Variants in RAD51B observed in about 807,000 individuals in gnomAD.
The protein encoded by RAD51B is DNA repair protein RAD51 homolog 2.
Under a neutral mutation model 42.2 loss-of-function variants are expected in RAD51B, and 38 were observed. The ratio of observed to expected loss-of-function variants is 0.90; its 90% CI spans 0.70 to 1.18. The LOEUF is 1.18. Ranked by LOEUF, RAD51B falls within the 50% of genes most tolerant of loss-of-function variation. The pLI is 0.00. For missense variants in RAD51B, 373 were observed against 400.7 expected (o/e 0.93, Z 0.59); for synonymous variants, 154 against 145.2 (o/e 1.06, Z -0.43).
chr14:68,507,116 C>T lies in RAD51B; in HGVS notation c.1036+38866C>T, dbSNP rs565902622. Among the ~76,000 whole-genome samples the T allele has an allele frequency of 3.3e-5, 5 of 152,174 alleles. No individual in the cohort carries two copies. In the East Asian group the frequency reaches 7.7e-4, roughly 24 times the overall value. ...GTGTGGGCATCACCGCACAGGTGCT[C>T]TTGAAGTACACATGAAATCAATTTT... On this transcript the variant is annotated intron_variant, in intron 10 of 10. Coordinates refer to the RAD51B transcript ENST00000487270.
At chr14:68,308,971 C>T (rs1275995447) in intron 8 of RAD51B, among the ~76,000 whole-genome samples, 1 of 152,156 alleles carries the variant, frequency 6.6e-6, no homozygotes, top group Non-Finnish European at 1.5e-5. Flanking sequence ...TCTTACAAAA[C>T]AGAGGGAAAA....
intron 7 of RAD51B, among the ~76,000 whole-genome samples, chr14:68,260,701 G>A (rs2080870202): frequency 6.6e-6 from 1 of 152,116 alleles, no homozygotes; most frequent in Admixed American, 6.5e-5. Flanking sequence ...CAAGAGAGAA[G>A]GTCAGAGAGA....
At chr14:68,421,825 C>T in intron 9 of RAD51B, 1 of 1,594,228 alleles carries the variant, frequency 6.3e-7, no homozygotes, top group Non-Finnish European at 8.6e-7. Context: ...ACGTGCTTGC[C>T]ATCCAACCAC....
At chr14:68,299,470 T>C (rs2081678310) in intron 8 of RAD51B, among the ~76,000 whole-genome samples, 1 of 152,168 alleles carries the variant, frequency 6.6e-6, no homozygotes, top group African/African-American at 2.4e-5. Flanking sequence ...CTGTATTAGG[T>C]ATTATAAATA....
rs74058866 is a variant in RAD51B, at chr14:68,225,577, G to A, written c.757-66307G>A. Among the ~76,000 whole-genome samples, 754 of 152,302 alleles carry A rather than the reference G, an allele frequency of 5.0e-3. 6 individuals carry two copies. The highest frequency in any genetic ancestry group is 0.017 in the African/African-American group (721 of 41,542). On this transcript the variant is annotated intron_variant, in intron 7 of 10. Transcript: ENST00000471583. The stretch of plus-strand genomic sequence containing the variant: ...TGGTCCGTATTTAGAACCATACTTG[G>A]AAATTGTGCTCAGGTCTGCAATTTG...
In RAD51B at chr14:68,604,871, G is replaced by A. The variant is rs541227148; in HGVS notation, c.1037-6135G>A. ...TGAGTGAACTAGCTCCTGTGTTCTCGTCTTTTCTTCGGAGAGTGACACTTT... is the reference window on the plus strand; with the variant it reads ...TGAGTGAACTAGCTCCTGTGTTCTCATCTTTTCTTCGGAGAGTGACACTTT... On this transcript the variant is annotated intron_variant, in intron 10 of 10. Transcript: ENST00000487861. 7.5e-4 allele frequency among the ~76,000 whole-genome samples: 114 copies of A among 152,238 alleles called. 1 individual carries two copies. The South Asian group carries it at 0.016, about 22-fold the overall frequency.
intron 8 of RAD51B, among the ~76,000 whole-genome samples, chr14:68,373,620 G>T (rs927073959): frequency 1.3e-5 from 2 of 152,086 alleles, no homozygotes; most frequent in East Asian, 3.9e-4. Flanking sequence ...GCCTGTTGGT[G>T]GGTGGGGGGC....
intron 7 of RAD51B, among the ~76,000 whole-genome samples, chr14:68,180,547 T>C (rs2079043446): frequency 6.6e-6 from 1 of 152,174 alleles, no homozygotes; most frequent in African/African-American, 2.4e-5. Context: ...TATTTAATAC[T>C]TACAACTTTA....
chr14:68,523,375 G>T (rs2140334340), intron 10 of RAD51B, among the ~76,000 whole-genome samples: 1 of 152,204 alleles, frequency 6.6e-6, no homozygotes, highest in East Asian at 1.9e-4. Flanking sequence ...AGCTGGATTA[G>T]AATGGACTTG....
At chr14:68,043,281 A>AT (rs2076244045) in intron 7 of RAD51B, among the ~76,000 whole-genome samples, 1 of 152,206 alleles carries the variant, frequency 6.6e-6, no homozygotes, top group Non-Finnish European at 1.5e-5. Context: ...TTGGCAAAAC[A>AT]TCCTAGAGTT....
At chr14:68,266,225 A>G (rs1338265982) in intron 7 of RAD51B, among the ~76,000 whole-genome samples, 4 of 152,268 alleles carry the variant, frequency 2.6e-5, no homozygotes, top group Non-Finnish European at 5.9e-5. Context: ...AGCAAAAAGC[A>G]TAACAAATTT....
chr14:68,654,792 C>T (rs762551307), intron 11 of RAD51B, among the ~76,000 whole-genome samples: 45 of 152,154 alleles, frequency 3.0e-4, no homozygotes, highest in Non-Finnish European at 3.1e-4. Context: ...TGTCTGGTTC[C>T]TGTAAACAGG....
chr14:68,470,877 C>T (rs1046338570), intron 10 of RAD51B, among the ~76,000 whole-genome samples: 2 of 152,186 alleles, frequency 1.3e-5, no homozygotes, highest in African/African-American at 4.8e-5. Context: ...ATGTACTCAT[C>T]ATTCCCTTAG....
At chr14:68,232,884 G>C (rs188153339) in intron 7 of RAD51B, among the ~76,000 whole-genome samples, 2 of 152,246 alleles carry the variant, frequency 1.3e-5, no homozygotes, top group East Asian at 3.9e-4. Flanking sequence ...ACTCATTCAG[G>C]CCTCTAGAAA....
chr14:68,652,895 G>A (rs988287982), intron 11 of RAD51B, among the ~76,000 whole-genome samples: 2 of 152,184 alleles, frequency 1.3e-5, no homozygotes, highest in Non-Finnish European at 2.9e-5. Flanking sequence ...GAGCATAGGG[G>A]AGCAATTTAC....
At chr14:67,916,478 G>C (rs1161443099) in intron 7 of RAD51B, among the ~76,000 whole-genome samples, 1 of 152,078 alleles carries the variant, frequency 6.6e-6, no homozygotes. Context: ...CTGGCCTCAA[G>C]TGATCCTCCT....
chr14:68,439,286 G>A lies in RAD51B; in HGVS notation c.957+27759G>A, dbSNP rs541745838. 2.6e-5 allele frequency among the ~76,000 whole-genome samples: 4 copies of A among 152,014 alleles called. No homozygotes were observed. The East Asian group carries it at 5.8e-4, about 22-fold the overall frequency. ...CCCTTTGCTGTCCCCACTCTAGTTG[G>A]GCAGCTCCAGCCTCTGGGCTCTAGT... is the stretch of plus-strand genomic sequence containing the variant. On this transcript the variant is annotated intron_variant, in intron 9 of 10. Coordinates refer to ENST00000471583, the MANE Select transcript of RAD51B (RefSeq NM_133510.4).
intron 7 of RAD51B, among the ~76,000 whole-genome samples, chr14:68,215,121 G>A (rs958859308): frequency 2.0e-5 from 3 of 152,094 alleles, no homozygotes; most frequent in Admixed American, 2.0e-4. Context: ...ATTCTCTCCT[G>A]AGTTATCATC....
At chr14:67,855,519 C>G (rs2041963290) in intron 4 of RAD51B, among the ~76,000 whole-genome samples, 1 of 152,040 alleles carries the variant, frequency 6.6e-6, no homozygotes, top group South Asian at 2.1e-4. Context: ...GGATTATAGG[C>G]TTGAGCCACC....
Sources: gnomAD v4.1 joint callset for allele counts (sites outside exome capture counted in the v4.1 genomes callset) on GRCh38, gnomAD v4.1.1 for gene constraint, MANE v1.5 for transcripts, NCBI Gene and HGNC (gene_info 2026-07-23, HGNC 2026-07-21) for gene names.